SNTG1: variants seen among roughly 807,000 people sequenced by gnomAD.
SNTG1 encodes gamma-1-syntrophin.
In SNTG1, 39 loss-of-function variants were observed where a neutral mutation model predicts 74.7. The ratio of observed to expected loss-of-function variants is 0.52; its 90% CI spans 0.40 to 0.68. The LOEUF is 0.68. SNTG1 is among the 30% of genes least tolerant of loss of function. The probability of loss-of-function intolerance (pLI) is 0.00; values close to 1 mark genes in which losing one functional copy is unlikely to be tolerated. For synonymous variants in SNTG1, 254 were observed against 217.1 expected (o/e 1.17, Z -1.49); for missense variants, 685 against 609.5 (o/e 1.12, Z -1.30).
intron 1 of SNTG1, among the ~76,000 whole-genome samples, chr8:49,956,106 G>A (rs114778176): frequency 0.011 from 1,644 of 152,262 alleles, 27 homozygotes; most frequent in African/African-American, 0.037. Context: ...AGGTTTCACC[G>A]ATACTAAGAT....
chr8:50,063,308 A>T (rs947859160), intron 1 of SNTG1, among the ~76,000 whole-genome samples: 1 of 152,256 alleles, frequency 6.6e-6, no homozygotes, highest in Non-Finnish European at 1.5e-5. Flanking sequence ...GAGTATCAAG[A>T]ATTCTCACGT....
At chr8:50,442,489 C>A (rs1258427956) in intron 5 of SNTG1, among the ~76,000 whole-genome samples, 1 of 151,988 alleles carries the variant, frequency 6.6e-6, no homozygotes, top group Non-Finnish European at 1.5e-5. Context: ...GGCATCCTTG[C>A]TTATCCAAGA....
chr8:50,416,922 G>A (rs985178444), intron 4 of SNTG1, among the ~76,000 whole-genome samples: 11 of 152,194 alleles, frequency 7.2e-5, no homozygotes, highest in African/African-American at 1.4e-4. Flanking sequence ...TGACTGTGAC[G>A]ATGATTCACT....
chr8:50,398,488 G>A (rs1352574466), intron 3 of SNTG1, among the ~76,000 whole-genome samples: 2 of 152,056 alleles, frequency 1.3e-5, no homozygotes, highest in African/African-American at 4.8e-5. Context: ...TCTAATGATT[G>A]TTTCCTCAAT....
At position 50,294,241 on chromosome 8, in the gene SNTG1, G is replaced by C. The variant is rs79270685; in HGVS notation, c.-27-99971G>C. On this transcript the variant is annotated intron_variant, in intron 2 of 18. Transcript: ENST00000642720. ...ACAAGTAAAAATGTCAAATAGACCA[G>C]TAAGAACCTCTATATCAATTTAATT... Among the ~76,000 whole-genome samples, 176 of 152,256 alleles carry C rather than the reference G, an allele frequency of 1.2e-3. 1 individual carries two copies. Among genetic ancestry groups the C allele is most frequent in the Non-Finnish European group, 1.9e-3 (129 of 68,018 alleles).
intron 1 of SNTG1, among the ~76,000 whole-genome samples, chr8:49,916,200 C>T (rs1806015619): frequency 6.6e-6 from 1 of 151,092 alleles, no homozygotes; most frequent in Non-Finnish European, 1.5e-5. Flanking sequence ...AATACACACA[C>T]ACACACACAA....
chr8:49,952,507 A>G (rs201703385), intron 1 of SNTG1, among the ~76,000 whole-genome samples: 1 of 152,212 alleles, frequency 6.6e-6, no homozygotes, highest in Admixed American at 6.5e-5. Context: ...CTGTGGCTGG[A>G]GCTCAGGAAT....
intron 12 of SNTG1, among the ~76,000 whole-genome samples, chr8:50,587,277 C>A (rs2094656553): frequency 6.6e-6 from 1 of 151,806 alleles, no homozygotes; most frequent in South Asian, 2.1e-4. Context: ...TTTTAAAATA[C>A]TGCATAAAAC....
chr8:50,671,590 G>A (rs1289605229), intron 15 of SNTG1, among the ~76,000 whole-genome samples: 5 of 151,984 alleles, frequency 3.3e-5, no homozygotes, highest in African/African-American at 1.2e-4. Flanking sequence ...TTTTACACTG[G>A]TGATGGGACT....
At chr8:50,458,396 A>G (rs2093528139) in intron 8 of SNTG1, among the ~76,000 whole-genome samples, 1 of 152,266 alleles carries the variant, frequency 6.6e-6, no homozygotes, top group East Asian at 1.9e-4. Flanking sequence ...ATTAGATTAC[A>G]AAAATGTTGG....
intron 15 of SNTG1, 92 bp downstream of exon 15, chr8:50,658,755 A>T: frequency 1.3e-6 from 1 of 777,640 alleles, no homozygotes; most frequent in Non-Finnish European, 2.1e-6. Flanking sequence ...CAAATCATTC[A>T]TGGAATGAAA....
chr8:50,045,989 G>T (rs1819053115), intron 1 of SNTG1, among the ~76,000 whole-genome samples: 1 of 152,160 alleles, frequency 6.6e-6, no homozygotes, highest in Middle Eastern at 3.2e-3. Flanking sequence ...AGGCTTTGAA[G>T]AGCCACAGGG....
At chr8:50,090,056 C>G (rs1563577585) in intron 1 of SNTG1, among the ~76,000 whole-genome samples, 1 of 152,220 alleles carries the variant, frequency 6.6e-6, no homozygotes, top group African/African-American at 2.4e-5. Context: ...GTGTCGTCTT[C>G]AAGTAACACA....
chr8:50,193,477 C>T (rs1385362741), intron 2 of SNTG1, among the ~76,000 whole-genome samples: 3 of 151,964 alleles, frequency 2.0e-5, no homozygotes, highest in African/African-American at 7.3e-5. Context: ...CACTTGGTCG[C>T]TGTTGGTATA....
intron 12 of SNTG1, among the ~76,000 whole-genome samples, chr8:50,588,467 G>A (rs530067903): frequency 1.3e-5 from 2 of 152,240 alleles, no homozygotes; most frequent in African/African-American, 2.4e-5. Context: ...TGTGCAGTCA[G>A]TAGTTTGGTT....
intron 13 of SNTG1, among the ~76,000 whole-genome samples, chr8:50,619,802 A>G (rs2094909766): frequency 6.7e-6 from 1 of 149,482 alleles, no homozygotes; most frequent in African/African-American, 2.5e-5. Flanking sequence ...TACCCATGCT[A>G]CTAAGACTCC....
intron 2 of SNTG1, among the ~76,000 whole-genome samples, chr8:50,195,245 C>T (rs547707358): frequency 1.3e-5 from 2 of 152,140 alleles, no homozygotes; most frequent in East Asian, 3.9e-4. Context: ...TCACAGGCCT[C>T]ACACAGCTCC....
intron 1 of SNTG1, among the ~76,000 whole-genome samples, chr8:50,032,433 A>C (rs1817810741): frequency 6.6e-6 from 1 of 152,092 alleles, no homozygotes; most frequent in African/African-American, 2.4e-5. Flanking sequence ...AGAGTGCTAT[A>C]GTTTAGAAAA....
chr8:50,461,507 A>G lies in SNTG1; in HGVS notation c.363+10778A>G, dbSNP rs191616454. ...TTTAGAATTCTGTTAACATAGATTT[A>G]TCTATTTTCTCAATTTATTATTTAT... On this transcript the variant is annotated intron_variant, in intron 8 of 18. Coordinates refer to ENST00000642720, the MANE Select transcript of SNTG1 (RefSeq NM_018967.5). Among the ~76,000 whole-genome samples the G allele has an allele frequency of 2.0e-5, 3 of 152,232 alleles. No homozygotes were observed. The East Asian group carries it at 5.8e-4, about 29-fold the overall frequency.
Sources: gnomAD v4.1 joint callset for allele counts (sites outside exome capture counted in the v4.1 genomes callset) on GRCh38, gnomAD v4.1.1 for gene constraint, MANE v1.5 for transcripts, NCBI Gene and HGNC (gene_info 2026-07-23, HGNC 2026-07-21) for gene names.